The following EPHB1 variants were observed in gnomAD, a reference collection of about 807,000 sequenced individuals.
EPHB1 encodes EPH receptor B1, also known as ephrin type-B receptor 1.
A neutral mutation model predicts 94.4 loss-of-function variants in EPHB1; 30 were observed. That is an observed-to-expected ratio of 0.32 (90% CI 0.24 to 0.43). The LOEUF (loss-of-function observed/expected upper bound fraction) is 0.43. EPHB1 is among the 20% of genes least tolerant of loss of function. EPHB1 has a pLI of 1.00. For synonymous variants in EPHB1, 522 were observed against 489.1 expected, an observed-to-expected ratio of 1.07 and a Z score of -0.89; for missense variants, 1,055 against 1,308.3, an observed-to-expected ratio of 0.81 and a Z score of 2.99.
chr3:134,963,560 T>G, intron 3 of EPHB1, among the ~76,000 whole-genome samples: 1 of 152,204 alleles, frequency 6.6e-6, no homozygotes, highest in Non-Finnish European at 1.5e-5. Flanking sequence ...CTCTGCCAAA[T>G]TCTTTTTCTG....
At chr3:134,799,155 C>T (rs1560238160) in intron 1 of EPHB1, among the ~76,000 whole-genome samples, 1 of 152,226 alleles carries the variant, frequency 6.6e-6, no homozygotes, top group Non-Finnish European at 1.5e-5. Flanking sequence ...AATGCTAGGG[C>T]ACTGAATTTC....
At position 135,118,767 on chromosome 3, in the gene EPHB1, G is replaced by T. The variant is rs1939816715; in HGVS notation, c.961+12164G>T. On this transcript the variant is annotated intron_variant, in intron 4 of 15. Coordinates refer to ENST00000398015, the MANE Select transcript of EPHB1 (RefSeq NM_004441.5). Reference sequence around the variant, plus strand: ...TGAGACTTGAGAAGAGAACAGAATTGCACAGGGAGGCCCTAGCAACCCCTA... The same window carrying T: ...TGAGACTTGAGAAGAGAACAGAATTTCACAGGGAGGCCCTAGCAACCCCTA... Among the ~76,000 whole-genome samples, 3 of 152,302 alleles carry T rather than the reference G, an allele frequency of 2.0e-5. No homozygotes were observed. The East Asian group carries it at 5.8e-4, about 29-fold the overall frequency.
chr3:134,875,020 G>A (rs560736235), intron 1 of EPHB1, among the ~76,000 whole-genome samples: 17 of 152,288 alleles, frequency 1.1e-4, no homozygotes, highest in African/African-American at 7.2e-5. Flanking sequence ...TAGCCAGTGC[G>A]TAAGGCTTTT....
chr3:134,828,537 A>T (rs1358469043), intron 1 of EPHB1, among the ~76,000 whole-genome samples: 2 of 152,196 alleles, frequency 1.3e-5, no homozygotes, highest in East Asian at 3.8e-4. Flanking sequence ...GGAACCTGAG[A>T]TCCCAAGTGG....
chr3:135,043,917 C>T lies in EPHB1; in HGVS notation c.806-62531C>T, dbSNP rs537091292. Among the ~76,000 whole-genome samples, 95 of 152,320 alleles carry T rather than the reference C, an allele frequency of 6.2e-4. 1 individual carries two copies. Among genetic ancestry groups the T allele is most frequent in the African/African-American group, 2.1e-3 (89 of 41,576 alleles). ...TGTTGGCCTCTCAGTGATCTTCACA[C>T]AGCCCTGCCATGGAGCCTCCTGAAG... On this transcript the variant is annotated intron_variant, in intron 3 of 15. Transcript: ENST00000398015.
intron 1 of EPHB1, among the ~76,000 whole-genome samples, chr3:134,886,363 A>G (rs945929139): frequency 2.0e-5 from 3 of 152,236 alleles, no homozygotes; most frequent in Non-Finnish European, 2.9e-5. Context: ...ATTTCTTCTT[A>G]CAACAAACCC....
intron 9 of EPHB1, among the ~76,000 whole-genome samples, chr3:135,174,352 A>G (rs187634364): frequency 1.9e-3 from 282 of 152,282 alleles, no homozygotes; most frequent in Non-Finnish European, 3.3e-3. Context: ...GGCCTCAGTT[A>G]GCTGTGGCTC....
At chr3:134,880,880 G>A (rs2037717566) in intron 1 of EPHB1, among the ~76,000 whole-genome samples, 1 of 152,222 alleles carries the variant, frequency 6.6e-6, no homozygotes, top group Admixed American at 6.5e-5. Flanking sequence ...AAGAGGGATG[G>A]AATATTATCG....
intron 1 of EPHB1, among the ~76,000 whole-genome samples, chr3:134,906,482 A>G (rs912557299): frequency 1.3e-5 from 2 of 152,200 alleles, no homozygotes; most frequent in African/African-American, 2.4e-5. Context: ...GAATGAAGTG[A>G]TCAAACGTGA....
At position 134,882,743 on chromosome 3, in the gene EPHB1, TTTC is replaced by T. The variant is rs1332382420; in HGVS notation, c.59-43069_59-43067del. On this transcript the variant is annotated intron_variant, in intron 1 of 15. Transcript: ENST00000398015. The stretch of plus-strand genomic sequence containing the variant: ...TCCTTCTTCTTTCCTTCTTTCCTTC[TTTC>T]TTCCTTTCTTCCTTCCTTCCTTTCT... Among the ~76,000 whole-genome samples, 472 of 67,210 alleles carry T rather than the reference TTTC, an allele frequency of 7.0e-3. 7 individuals are homozygous for T. Among genetic ancestry groups the T allele is most frequent in the African/African-American group, 0.026 (408 of 15,504 alleles). The allele number at this position is 67,210 out of a possible 152,430, so 44.1% of individuals were successfully genotyped here. A position where few individuals can be genotyped will look rare whatever the true frequency, so the allele number is the denominator to read the frequency against.
intron 4 of EPHB1, among the ~76,000 whole-genome samples, chr3:135,123,942 G>A (rs1409762247): frequency 6.6e-6 from 1 of 151,412 alleles, no homozygotes; most frequent in Non-Finnish European, 1.5e-5. Flanking sequence ...CCTCCACAAG[G>A]CAGCATAAGT....
At chr3:135,000,371 C>A (rs1333643097) in intron 3 of EPHB1, among the ~76,000 whole-genome samples, 2 of 152,048 alleles carry the variant, frequency 1.3e-5, no homozygotes, top group Admixed American at 6.5e-5. Context: ...AGGAAACTGA[C>A]AGAAAGACCT....
intron 11 of EPHB1, among the ~76,000 whole-genome samples, chr3:135,197,889 T>C (rs1942664456): frequency 6.6e-6 from 1 of 152,138 alleles, no homozygotes; most frequent in African/African-American, 2.4e-5. Context: ...TTTGGAGAAT[T>C]ATGCCAATCA....
chr3:135,056,127 C>T (rs1937340954), intron 3 of EPHB1, among the ~76,000 whole-genome samples: 1 of 152,242 alleles, frequency 6.6e-6, no homozygotes, highest in Admixed American at 6.5e-5. Context: ...ATTGTACTGT[C>T]AGTTAGCCTG....
At position 135,005,700 on chromosome 3, in the gene EPHB1, G is replaced by T. The variant is rs369552088; in HGVS notation, c.805+53648G>T. Among the ~76,000 whole-genome samples, 65 of 152,300 alleles carry T rather than the reference G, an allele frequency of 4.3e-4. 1 individual carries two copies. The East Asian group carries it at 9.9e-3, about 23-fold the overall frequency. On this transcript the variant is annotated intron_variant, in intron 3 of 15. Transcript: ENST00000398015. Reference sequence around the variant, plus strand: ...AGCCCGTCGGAAAAGCGCAGTATTCGGGTGGGAGTGTCCCGATTTTCCAGG... The same window carrying T: ...AGCCCGTCGGAAAAGCGCAGTATTCTGGTGGGAGTGTCCCGATTTTCCAGG...
At chr3:135,068,750 G>A (rs570225313) in intron 3 of EPHB1, among the ~76,000 whole-genome samples, 6 of 151,402 alleles carry the variant, frequency 4.0e-5, no homozygotes, top group South Asian at 2.1e-4. Flanking sequence ...CCAGGTTCGC[G>A]CCATTCTCCT....
chr3:135,036,907 A>G (rs375902551), intron 3 of EPHB1, among the ~76,000 whole-genome samples: 2 of 152,176 alleles, frequency 1.3e-5, no homozygotes, highest in African/African-American at 4.8e-5. Context: ...TGATGTGGCT[A>G]TTAGGACAGC....
intron 1 of EPHB1, among the ~76,000 whole-genome samples, chr3:134,882,414 C>T (rs2037749051): frequency 6.6e-6 from 1 of 152,188 alleles, no homozygotes; most frequent in African/African-American, 2.4e-5. Flanking sequence ...ATTGAAATTA[C>T]AGCCATAACT....
chr3:135,050,235 GACT>G, intron 3 of EPHB1, among the ~76,000 whole-genome samples: 1 of 152,096 alleles, frequency 6.6e-6, no homozygotes, highest in Non-Finnish European at 1.5e-5. Context: ...TTTATTTGAT[GACT>G]TTAGATCCTA....
Sources: gnomAD v4.1 joint callset for allele counts (sites outside exome capture counted in the v4.1 genomes callset) on GRCh38, gnomAD v4.1.1 for gene constraint, MANE v1.5 for transcripts, NCBI Gene and HGNC (gene_info 2026-07-23, HGNC 2026-07-21) for gene names.